The following SHPK variants were observed in gnomAD, a reference collection of about 807,000 sequenced individuals.
SHPK encodes the protein sedoheptulokinase, also known as carbohydrate kinase-like protein.
SHPK carries 51 observed loss-of-function variants against 46.3 expected under a neutral mutation model. That is an observed-to-expected ratio of 1.10 (90% CI 0.88 to 1.39). SHPK has a LOEUF of 1.39. SHPK is among the 40% of genes most tolerant of loss of function. The probability of loss-of-function intolerance (pLI) is 0.00; values close to 1 mark genes in which losing one functional copy is unlikely to be tolerated. For synonymous variants in SHPK, 290 were observed against 273.9 expected (o/e 1.06, Z -0.58); for missense variants, 668 against 641.3 (o/e 1.04, Z -0.45).
At chr17:3,615,184 T>C (rs2075364722) in intron 6 of SHPK, among the ~76,000 whole-genome samples, 153 bp downstream of exon 6, 1 of 152,000 alleles carries the variant, frequency 6.6e-6, no homozygotes, top group Non-Finnish European at 1.5e-5. Flanking sequence ...CAAGCTCAGA[T>C]CCCAAAGGAT....
At chr17:3,625,466 G>GCCA (rs1466639725) in intron 2 of SHPK, among the ~76,000 whole-genome samples, 1 of 152,170 alleles carries the variant, frequency 6.6e-6, no homozygotes, top group East Asian at 1.9e-4. Context: ...CGCCGAGGCC[G>GCCA]CCATGCTGAG....
chr17:3,623,299 T>C lies in SHPK; in HGVS notation c.647+40A>G, dbSNP rs1391940219. 5.6e-6 allele frequency: 9 copies of C among 1,610,504 alleles called. No individual in the cohort carries two copies. The East Asian group carries it at 1.3e-4, about 24-fold the overall frequency. ...ACTGGCTCCGGGGTTGCCCTTCAGA[T>C]TGGAGCAGGAGGAACAGCCTGCAAG... On this transcript the variant is annotated intron_variant, in intron 4 of 6. Coordinates refer to ENST00000225519, the MANE Select transcript of SHPK (RefSeq NM_013276.4).
At chr17:3,614,186 A>G (rs1303602963) in intron 6 of SHPK, among the ~76,000 whole-genome samples, 4 of 152,200 alleles carry the variant, frequency 2.6e-5, no homozygotes, top group Non-Finnish European at 5.9e-5. Flanking sequence ...CTGGGAACCA[A>G]AGTCACTCTC....
rs971428793 is a variant in SHPK at position 3,619,489 on chromosome 17, C to G, written c.823+1748G>C. 4 of 861,132 alleles carry G rather than the reference C, an allele frequency of 4.6e-6. No homozygotes were observed. In the South Asian group the frequency reaches 5.5e-5, roughly 12 times the overall value. The allele number at this position is 861,132 out of a possible 1,614,324, so 53.3% of individuals were successfully genotyped here. A position where few individuals can be genotyped will look rare whatever the true frequency, so the allele number is the denominator to read the frequency against. On this transcript the variant is annotated intron_variant, in intron 5 of 6. Coordinates refer to ENST00000225519, the MANE Select transcript of SHPK (RefSeq NM_013276.4). ...ATGGCTCACACCTGTAATCCCAGCA[C>G]TTTGGGAGGCCAAGGCAGGCAGATC...
intron 2 of SHPK, 96 bp downstream of exon 2, chr17:3,630,109 G>C: frequency 6.7e-7 from 1 of 1,499,182 alleles, no homozygotes. Context: ...TCCCACTGCA[G>C]GATAACCCGA....
At chr17:3,633,638 G>A (rs1418126483) in intron 1 of SHPK, among the ~76,000 whole-genome samples, 1 of 152,146 alleles carries the variant, frequency 6.6e-6, no homozygotes, top group Non-Finnish European at 1.5e-5. Flanking sequence ...GGGTGAGCCT[G>A]TAAGCACAGA....
chr17:3,634,162 C>G (rs1324102538), intron 1 of SHPK, among the ~76,000 whole-genome samples: 1 of 148,504 alleles, frequency 6.7e-6, no homozygotes, highest in Non-Finnish European at 1.5e-5. Context: ...CCTAGGAAAA[C>G]CAGAGACCTT....
rs200488601 is a variant in SHPK at position 3,630,206 on chromosome 17, T to G, written c.309A>C (p.Gln103His). The part of the protein sequence containing the change: ...MHGVVFWKTG[Q>H]GCEWTEGGIT... ...AGAGCATCCCCGAGCCCAGCATACCTTGGCCTGTTTTCCAAAACACGACTC... is the reference window on the plus strand; with the variant it reads ...AGAGCATCCCCGAGCCCAGCATACCGTGGCCTGTTTTCCAAAACACGACTC... The change falls in exon 2 of 7, where the codon CAA (glutamine) becomes CAC (histidine). Residue 103 changes from glutamine to histidine, a missense_variant and splice_region_variant. Transcript: ENST00000225519. The G allele has an allele frequency of 1.2e-6, 2 of 1,613,864 alleles. No homozygotes were observed. The highest frequency in any genetic ancestry group is 1.7e-6 in the Non-Finnish European group (2 of 1,180,022).
intron 1 of SHPK, among the ~76,000 whole-genome samples, chr17:3,632,517 C>T (rs137904441): frequency 2.0e-5 from 3 of 152,048 alleles, no homozygotes; most frequent in African/African-American, 7.2e-5. Flanking sequence ...GGGGGAGACA[C>T]GGGAAGAAGT....
In SHPK at chr17:3,624,071, G is replaced by A. The variant is rs1347155551; in HGVS notation, c.471C>T (p.Thr157=). 5 of 1,609,034 alleles carry A rather than the reference G, an allele frequency of 3.1e-6. No homozygotes were observed. The highest frequency in any genetic ancestry group is 4.3e-6 in the Non-Finnish European group (5 of 1,176,060). ...LSVATGFGCA[T]IFWLLKYRPE... ...ACCGATATTTCAAAAGCCAGAAGATGGTTGCACAGCCGAAGCCCGTGGCCA... is the reference window on the plus strand; with the variant it reads ...ACCGATATTTCAAAAGCCAGAAGATAGTTGCACAGCCGAAGCCCGTGGCCA... The change falls in exon 3 of 7, where the codon ACC becomes ACT. Residue 157 remains threonine (T), a synonymous_variant. Transcript: ENST00000225519.
At position 3,622,144 on chromosome 17, in the gene SHPK, T is replaced by C. The variant is rs2075407104; in HGVS notation, c.648-732A>G. ...TTCCTTTTTTGTTGTTGTTTGTTTG[T>C]TTCCAGGAAACTCTGCATGGGAAAG... On this transcript the variant is annotated intron_variant, in intron 4 of 6. Transcript: ENST00000225519. Among the ~76,000 whole-genome samples, 4 of 152,290 alleles carry C rather than the reference T, an allele frequency of 2.6e-5. No homozygotes were observed. The South Asian group carries it at 8.3e-4, about 32-fold the overall frequency.
At chr17:3,611,798 G>GTTTT (rs570066157) in intron 6 of SHPK, among the ~76,000 whole-genome samples, 5 of 92,118 alleles carry the variant, frequency 5.4e-5, no homozygotes, top group Admixed American at 1.4e-4. Context: ...AGCTCTGCGG[G>GTTTT]TTTTTTTTTT....
rs199959866 is a variant in SHPK at position 3,636,165 on chromosome 17, C to G, written c.55G>C (p.Ala19Pro). 3.5e-5 allele frequency: 57 copies of G among 1,612,174 alleles called. No homozygotes were observed. Among genetic ancestry groups the G allele is most frequent in the Non-Finnish European group, 4.7e-5 (55 of 1,179,082 alleles). The change falls in exon 1 of 7, where the codon GCA becomes CCA. Residue 19 changes from alanine to proline, a missense_variant. Transcript: ENST00000225519. ...TCGGGCGCGGCCCTCAGCAGAGCTGCCTTCACAGATGTGGTGCCCAGGTCA... is the reference window on the plus strand; with the variant it reads ...TCGGGCGCGGCCCTCAGCAGAGCTGGCTTCACAGATGTGGTGCCCAGGTCA... ...GIDLGTTSVK[A>P]ALLRAAPDDP...
chr17:3,623,998 C>T (rs2075418003), intron 3 of SHPK, 50 bp downstream of exon 3: 1 of 1,542,368 alleles, frequency 6.5e-7, no homozygotes, highest in South Asian at 1.2e-5. Context: ...CCGGCCTATT[C>T]TCATTCTCCC....
chr17:3,610,698 C>T lies in SHPK; in HGVS notation c.1299G>A (p.Ala433=), dbSNP rs753947144. The part of the protein sequence containing the change: ...GVERVMGSGS[A]LSRNDVLKQE... ...GCTTCAGCACGTCATTCCTGGACAG[C>T]GCACTCCCACTGCCCATCACCCTCT... Residue 433 remains alanine (A), a synonymous_variant, in exon 7 of 7, where the codon GCG becomes GCA. Coordinates refer to ENST00000225519, the MANE Select transcript of SHPK (RefSeq NM_013276.4). 9.9e-6 allele frequency: 16 copies of T among 1,613,998 alleles called. No homozygotes were observed. Among genetic ancestry groups the T allele is most frequent in the South Asian group, 3.3e-5 (3 of 91,084 alleles).
At position 3,628,326 on chromosome 17, in the gene SHPK, C is replaced by CT. The variant is rs145231493; in HGVS notation, c.310+1878dup. Reference sequence around the variant, plus strand: ...GTCTAAATTAAATCTTTCATAATTTCTTTTTTTTTTTTTTGAGACGAAGTC... The same window carrying CT: ...GTCTAAATTAAATCTTTCATAATTTCTTTTTTTTTTTTTTTGAGACGAAGTC... On this transcript the variant is annotated intron_variant, in intron 2 of 6. Transcript: ENST00000225519. 1.1e-3 allele frequency among the ~76,000 whole-genome samples: 157 copies of CT among 144,784 alleles called. 1 individual carries two copies. The highest frequency in any genetic ancestry group is 6.2e-3 in the South Asian group (28 of 4,534). The allele number at this position is 144,784 out of a possible 152,430, so 95.0% of individuals were successfully genotyped here.
At chr17:3,621,200 AG>A in intron 5 of SHPK, 36 bp downstream of exon 5, 1 of 1,530,414 alleles carries the variant, frequency 6.5e-7, no homozygotes, top group Non-Finnish European at 8.8e-7. Flanking sequence ...GGCAGGCGAC[AG>A]TGTAAGTCTG....
At chr17:3,628,250 C>T (rs1347662626) in intron 2 of SHPK, among the ~76,000 whole-genome samples, 2 of 152,016 alleles carry the variant, frequency 1.3e-5, no homozygotes, top group Non-Finnish European at 2.9e-5. Context: ...TTTGTTGAAG[C>T]TGAGTGATGG....
At chr17:3,626,873 T>A (rs2075441718) in intron 2 of SHPK, among the ~76,000 whole-genome samples, 1 of 151,446 alleles carries the variant, frequency 6.6e-6, no homozygotes, top group South Asian at 2.1e-4. Context: ...CCAGCCTGGG[T>A]GACAAGAGCA....
Sources: allele counts gnomAD v4.1 joint callset (sites outside exome capture counted in the v4.1 genomes callset), GRCh38; gene constraint gnomAD v4.1.1; transcripts MANE v1.5; gene names NCBI Gene and HGNC (gene_info 2026-07-23, HGNC 2026-07-21).